The following MDGA2 variants were observed in gnomAD, a reference collection of about 807,000 sequenced individuals.
MDGA2 encodes the protein MAM domain containing glycosylphosphatidylinositol anchor 2, also known as MAM domain-containing glycosylphosphatidylinositol anchor protein 2.
In MDGA2, 40 loss-of-function variants were observed where a neutral mutation model predicts 117.8. The ratio of observed to expected loss-of-function variants is 0.34; its 90% CI spans 0.26 to 0.44. The LOEUF is 0.44. MDGA2 is among the 20% of genes least tolerant of loss of function. MDGA2 has a pLI of 1.00. For synonymous variants in MDGA2, 452 were observed against 439.0 expected (o/e 1.03, Z -0.37); for missense variants, 1,123 against 1,250.6 (o/e 0.90, Z 1.54).
chr14:47,059,093 A>T (rs938065345), intron 7 of MDGA2: 47 of 1,014,620 alleles, frequency 4.6e-5, no homozygotes, highest in Non-Finnish European at 5.6e-5. Context: ...GAGGCACAGC[A>T]AATGTCTATA....
intron 8 of MDGA2, among the ~76,000 whole-genome samples, chr14:47,005,788 G>A (rs1594518789): frequency 6.6e-6 from 1 of 151,346 alleles, no homozygotes; most frequent in South Asian, 2.1e-4. Flanking sequence ...CTAACTGCTG[G>A]GTGGTAAGAA....
At chr14:47,336,158 A>G (rs751127381) in intron 1 of MDGA2, among the ~76,000 whole-genome samples, 23 of 151,878 alleles carry the variant, frequency 1.5e-4, no homozygotes, top group Non-Finnish European at 2.9e-4. Flanking sequence ...GCTCAGGAAA[A>G]GGTCAGGAAT....
At chr14:47,356,604 T>G (rs1890998998) in intron 1 of MDGA2, among the ~76,000 whole-genome samples, 1 of 152,170 alleles carries the variant, frequency 6.6e-6, no homozygotes, top group South Asian at 2.1e-4. Context: ...TCCAAAATAC[T>G]GCCTGAACCT....
intron 14 of MDGA2, among the ~76,000 whole-genome samples, chr14:46,863,380 T>C (rs1011721364): frequency 7.2e-5 from 11 of 152,166 alleles, no homozygotes; most frequent in Admixed American, 7.2e-4. Context: ...AAAAAACTTT[T>C]ATCATATTTG....
chr14:47,165,547 G>A (rs891091351), intron 3 of MDGA2, among the ~76,000 whole-genome samples: 40 of 152,098 alleles, frequency 2.6e-4, no homozygotes, highest in African/African-American at 8.9e-4. Context: ...AAGGGATAAA[G>A]GTACCCCATC....
At chr14:47,446,166 A>G (rs1027010457) in intron 1 of MDGA2, among the ~76,000 whole-genome samples, 1 of 152,156 alleles carries the variant, frequency 6.6e-6, no homozygotes, top group Non-Finnish European at 1.5e-5. Context: ...ATTATTAAAG[A>G]CGAAATTTTA....
chr14:47,588,940 G>C (rs1896384701), intron 1 of MDGA2, among the ~76,000 whole-genome samples: 1 of 151,844 alleles, frequency 6.6e-6, no homozygotes, highest in African/African-American at 2.4e-5. Flanking sequence ...TGCATGTATT[G>C]GCTTTTGGCC....
At chr14:47,511,110 C>T (rs1338327424) in intron 1 of MDGA2, among the ~76,000 whole-genome samples, 3 of 152,134 alleles carry the variant, frequency 2.0e-5, no homozygotes, top group Admixed American at 6.6e-5. Context: ...AAGGCAAAAA[C>T]TATATTTCAT....
chr14:47,587,716 C>G (rs1392835172), intron 1 of MDGA2, among the ~76,000 whole-genome samples: 1 of 151,904 alleles, frequency 6.6e-6, no homozygotes, highest in Admixed American at 6.6e-5. Flanking sequence ...CAGCTCTACT[C>G]AGATACAATC....
intron 1 of MDGA2, among the ~76,000 whole-genome samples, chr14:47,402,090 T>G (rs1299098422): frequency 6.6e-6 from 1 of 152,168 alleles, no homozygotes; most frequent in African/African-American, 2.4e-5. Flanking sequence ...TTTCACGGTT[T>G]GTTTCTCATT....
At chr14:46,851,999 T>C (rs968131195) in intron 15 of MDGA2, among the ~76,000 whole-genome samples, 4 of 151,806 alleles carry the variant, frequency 2.6e-5, no homozygotes, top group African/African-American at 9.7e-5. Flanking sequence ...ATTGTTTAGT[T>C]GTGTTTCACG....
chr14:47,401,401 G>C (rs971180466), intron 1 of MDGA2, among the ~76,000 whole-genome samples: 1 of 152,108 alleles, frequency 6.6e-6, no homozygotes, highest in Admixed American at 6.5e-5. Context: ...AATAAGGGGA[G>C]GGGGAGAGAA....
intron 1 of MDGA2, among the ~76,000 whole-genome samples, chr14:47,333,542 A>T (rs970166268): frequency 1.3e-4 from 19 of 151,902 alleles, no homozygotes; most frequent in Admixed American, 5.9e-4. Flanking sequence ...AAATGATCAG[A>T]CAATTTTTAT....
chr14:47,260,516 C>A (rs1410942232), intron 2 of MDGA2, among the ~76,000 whole-genome samples: 1 of 151,918 alleles, frequency 6.6e-6, no homozygotes, highest in Admixed American at 6.6e-5. Context: ...CTATAATGTA[C>A]CTGTTCTCTT....
intron 8 of MDGA2, among the ~76,000 whole-genome samples, chr14:47,000,754 T>A (rs1192174060): frequency 6.6e-6 from 1 of 151,874 alleles, no homozygotes; most frequent in Non-Finnish European, 1.5e-5. Flanking sequence ...ATAATCGTGG[T>A]GTTTTAGCAT....
intron 9 of MDGA2, among the ~76,000 whole-genome samples, chr14:46,930,510 A>G (rs539132017): frequency 6.6e-6 from 1 of 152,330 alleles, no homozygotes; most frequent in Admixed American, 6.5e-5. Flanking sequence ...CCCTTAGAAG[A>G]AAACTTCAGC....
intron 6 of MDGA2, among the ~76,000 whole-genome samples, chr14:47,065,114 G>A (rs550843926): frequency 6.6e-6 from 1 of 152,112 alleles, no homozygotes; most frequent in Non-Finnish European, 1.5e-5. Flanking sequence ...TACTTGTTTA[G>A]TCTGGCAGTG....
intron 1 of MDGA2, among the ~76,000 whole-genome samples, chr14:47,595,426 C>T (rs1289180243): frequency 6.6e-6 from 1 of 151,152 alleles, no homozygotes; most frequent in Non-Finnish European, 1.5e-5. Flanking sequence ...CCCAGCTACT[C>T]GGGAGGCTGA....
chr14:47,110,011 A>G (rs762721179), intron 5 of MDGA2, among the ~76,000 whole-genome samples: 2 of 152,188 alleles, frequency 1.3e-5, no homozygotes, highest in Non-Finnish European at 2.9e-5. Context: ...AGTGTGACAG[A>G]TGATAAGAAT....
Sources: allele counts gnomAD v4.1 joint callset (sites outside exome capture counted in the v4.1 genomes callset), GRCh38; gene constraint gnomAD v4.1.1; transcripts MANE v1.5; gene names NCBI Gene and HGNC (gene_info 2026-07-23, HGNC 2026-07-21).